Variants in KIAA1217 observed in about 807,000 individuals in gnomAD.
KIAA1217 encodes the protein sickle tail protein homolog.
A neutral mutation model predicts 163.9 loss-of-function variants in KIAA1217; 88 were observed. That is an observed-to-expected ratio of 0.54 (90% CI 0.45 to 0.64). The LOEUF is 0.64. Ranked by LOEUF, KIAA1217 falls within the 30% of genes least tolerant of loss-of-function variation. The pLI, the probability that KIAA1217 is intolerant of heterozygous loss-of-function variation, is 0.00. For synonymous variants in KIAA1217, 903 were observed against 923.1 expected (o/e 0.98, Z 0.39); for missense variants, 2,372 against 2,475.0 (o/e 0.96, Z 0.88).
At chr10:24,284,150 C>T (rs943161477) in intron 2 of KIAA1217, among the ~76,000 whole-genome samples, 3 of 152,022 alleles carry the variant, frequency 2.0e-5, no homozygotes, top group Non-Finnish European at 2.9e-5. Context: ...CTTCGAGATC[C>T]ACCCACTTTG....
intron 2 of KIAA1217, among the ~76,000 whole-genome samples, chr10:24,287,578 A>G (rs1001993227): frequency 2.0e-5 from 3 of 152,228 alleles, no homozygotes; most frequent in Admixed American, 6.5e-5. Flanking sequence ...ATGTTCTTTC[A>G]TACTTACAGT....
chr10:24,510,553 T>A (rs1385187534), intron 9 of KIAA1217, among the ~76,000 whole-genome samples: 5 of 152,134 alleles, frequency 3.3e-5, no homozygotes, highest in Non-Finnish European at 5.9e-5. Context: ...AAAATGAGAA[T>A]CTCTCAGTTG....
At chr10:24,396,118 C>T (rs1056208387) in intron 3 of KIAA1217, among the ~76,000 whole-genome samples, 11 of 152,138 alleles carry the variant, frequency 7.2e-5, no homozygotes, top group African/African-American at 2.7e-4. Flanking sequence ...GGGTGGATCA[C>T]CTGAGGTCAG....
intron 2 of KIAA1217, among the ~76,000 whole-genome samples, chr10:24,131,479 A>G (rs1318020931): frequency 1.3e-5 from 2 of 152,230 alleles, no homozygotes; most frequent in African/African-American, 4.8e-5. Context: ...GCATGGTTGA[A>G]TGAACTTATC....
At chr10:23,923,979 A>G (rs1842935482) in intron 1 of KIAA1217, among the ~76,000 whole-genome samples, 3 of 152,342 alleles carry the variant, frequency 2.0e-5, no homozygotes, top group African/African-American at 7.2e-5. Flanking sequence ...ATTCATATAC[A>G]TAGATTTTCA....
At chr10:24,409,735 C>T (rs962915763) in intron 3 of KIAA1217, among the ~76,000 whole-genome samples, 1 of 151,920 alleles carries the variant, frequency 6.6e-6, no homozygotes, top group Non-Finnish European at 1.5e-5. Flanking sequence ...TCTTTTATTC[C>T]CTCACCCCTC....
At chr10:24,262,751 C>T (rs963778131) in intron 2 of KIAA1217, among the ~76,000 whole-genome samples, 3 of 151,968 alleles carry the variant, frequency 2.0e-5, no homozygotes, top group African/African-American at 4.8e-5. Context: ...TGTAAGTCCA[C>T]CTGGCCAACA....
intron 1 of KIAA1217, among the ~76,000 whole-genome samples, chr10:23,984,701 G>C (rs1414495864): frequency 6.6e-6 from 1 of 151,716 alleles, no homozygotes; most frequent in Admixed American, 6.6e-5. Context: ...TCATAAGTGG[G>C]AGTTGAACAT....
At chr10:24,100,567 T>C (rs578225248) in intron 2 of KIAA1217, among the ~76,000 whole-genome samples, 2 of 152,334 alleles carry the variant, frequency 1.3e-5, no homozygotes, top group South Asian at 2.1e-4. Context: ...GTGTCTTATG[T>C]AAGACAAGCA....
At chr10:24,495,004 A>G (rs796674532) in intron 7 of KIAA1217, 143 bp from the exon 8 acceptor site, 30 of 681,546 alleles carry the variant, frequency 4.4e-5, no homozygotes, top group Middle Eastern at 7.0e-4. Context: ...ATCCTGGCCA[A>G]TTGTGATGCT....
At chr10:24,250,336 C>T (rs1250704274) in intron 2 of KIAA1217, among the ~76,000 whole-genome samples, 9 of 152,086 alleles carry the variant, frequency 5.9e-5, no homozygotes, top group African/African-American at 1.9e-4. Context: ...TTGCTGCCCA[C>T]GCATTTTGCA....
chr10:24,160,572 G>A (rs137934364), intron 2 of KIAA1217, among the ~76,000 whole-genome samples: 1 of 152,220 alleles, frequency 6.6e-6, no homozygotes, highest in East Asian at 1.9e-4. Context: ...ATAGAGAACA[G>A]TAAAACAATA....
At chr10:23,999,316 G>A (rs765973425) in intron 1 of KIAA1217, among the ~76,000 whole-genome samples, 6 of 152,162 alleles carry the variant, frequency 3.9e-5, no homozygotes, top group Non-Finnish European at 8.8e-5. Context: ...AGGAGACAGA[G>A]AACTCACTGA....
At chr10:24,397,169 T>G (rs2130956105) in intron 3 of KIAA1217, among the ~76,000 whole-genome samples, 1 of 141,676 alleles carries the variant, frequency 7.1e-6, no homozygotes, top group South Asian at 2.4e-4. Flanking sequence ...TGGAGTGCAA[T>G]GGTGCCATCT....
At chr10:24,533,296 A>G in intron 16 of KIAA1217, 59 bp downstream of exon 16, 2 of 1,510,458 alleles carry the variant, frequency 1.3e-6, no homozygotes, top group Non-Finnish European at 1.8e-6. Context: ...CTCTCCAGCC[A>G]TGGCACTCAC....
intron 1 of KIAA1217, among the ~76,000 whole-genome samples, chr10:23,812,822 T>C (rs1242425256): frequency 1.3e-5 from 2 of 152,224 alleles, no homozygotes; most frequent in African/African-American, 2.4e-5. Context: ...GTGATTGGCT[T>C]ATTTTACTTA....
chr10:24,090,079 C>T (rs1208757952), intron 2 of KIAA1217, among the ~76,000 whole-genome samples: 1 of 151,548 alleles, frequency 6.6e-6, no homozygotes, highest in East Asian at 1.9e-4. Context: ...CTCTCCTCTG[C>T]CGTCTAAAGT....
In KIAA1217 at chr10:24,313,981, C is replaced by A. The variant is rs142760710; in HGVS notation, c.355-66888C>A. 6.4e-3 allele frequency among the ~76,000 whole-genome samples: 978 copies of A among 151,726 alleles called. 33 individuals carry two copies. Among genetic ancestry groups the A allele is most frequent in the Admixed American group, 0.058 (884 of 15,212 alleles). ...CAGCCTCCCGAGTAGCTGGGATTAC[C>A]AGTGCCCACCACCGCGCCCAGCTAA... On this transcript the variant is annotated intron_variant, in intron 2 of 20. Coordinates refer to ENST00000376454, the MANE Select transcript of KIAA1217 (RefSeq NM_019590.5).
chr10:24,500,562 C>T (rs1041499287), intron 8 of KIAA1217, among the ~76,000 whole-genome samples: 1 of 152,020 alleles, frequency 6.6e-6, no homozygotes, highest in African/African-American at 2.4e-5. Flanking sequence ...CAGATGCCCT[C>T]TTTCTTTTCA....
Sources: allele counts gnomAD v4.1 joint callset (sites outside exome capture counted in the v4.1 genomes callset), GRCh38; gene constraint gnomAD v4.1.1; transcripts MANE v1.5; gene names NCBI Gene and HGNC (gene_info 2026-07-23, HGNC 2026-07-21).